The following DICER1 variants were observed in gnomAD, a reference collection of about 807,000 sequenced individuals.
The protein encoded by DICER1 is dicer 1, ribonuclease III.
Under a neutral mutation model 194.1 loss-of-function variants are expected in DICER1, and 43 were observed. The ratio of observed to expected loss-of-function variants is 0.22; its 90% CI spans 0.17 to 0.29. DICER1 has a LOEUF of 0.29. Among genes scored for constraint, DICER1 ranks in the 10% least tolerant of loss-of-function variants. DICER1 has a pLI of 1.00. For synonymous variants in DICER1, 832 were observed against 820.5 expected (o/e 1.01, Z -0.24); for missense variants, 1,608 against 2,317.0 (o/e 0.69, Z 6.28).
intron 6 of DICER1, 64 bp from the exon 7 acceptor site, chr14:95,126,812 T>C: frequency 9.1e-7 from 1 of 1,102,114 alleles, no homozygotes; most frequent in African/African-American, 1.7e-5. Context: ...AAAAAAAGTT[T>C]TTCAAAAAGC....
intron 8 of DICER1, among the ~76,000 whole-genome samples, chr14:95,120,383 T>C (rs898611437): frequency 1.3e-5 from 2 of 152,230 alleles, no homozygotes; most frequent in African/African-American, 4.8e-5. Context: ...ACAAAGTCTC[T>C]TACCAACAAG....
rs769292863 is a variant in DICER1, at chr14:95,088,532, CTTTGT to C, written c.*1961_*1965del. On this transcript the variant is annotated 3_prime_UTR_variant, in exon 27 of 27. Coordinates refer to ENST00000343455, the MANE Select transcript of DICER1 (RefSeq NM_177438.3). ...TTACAGTTATATAATTCAAGAATTG[CTTTGT>C]TTTAACTGGTCATATCTTACATTAA... 1.7e-4 allele frequency: 39 copies of C among 232,034 alleles called. No homozygotes were observed. The highest frequency in any genetic ancestry group is 1.3e-3 in the Middle Eastern group (1 of 800). 14.4% of individuals were successfully genotyped at this position (232,034 alleles called of 1,614,324 possible).
In DICER1 at chr14:95,132,609, T is replaced by C. The variant is rs2140288478; in HGVS notation, c.213A>G (p.Thr71=). The C allele has an allele frequency of 6.2e-7, 1 of 1,613,932 alleles. No homozygotes were observed. The highest frequency in any genetic ancestry group is 8.5e-7 in the Non-Finnish European group (1 of 1,179,846). Residue 71 remains threonine, a synonymous_variant, in exon 3 of 27, where the codon ACA becomes ACG. Transcript: ENST00000343455. ...CTTTAGTGAGTAGTACTGCAATAAATGTCTTCCCTGAGCCAGTGTTTAAAC... is the reference window on the plus strand; with the variant it reads ...CTTTAGTGAGTAGTACTGCAATAAACGTCTTCCCTGAGCCAGTGTTTAAAC... The part of the protein sequence containing the change: ...IVCLNTGSGK[T]FIAVLLTKEL...
chr14:95,105,882 G>T lies in DICER1; in HGVS notation c.2988-99C>A, dbSNP rs1891375099. On this transcript the variant is annotated intron_variant, in intron 18 of 26. Transcript: ENST00000343455. This position sits in a 1 kb window ranked among gnomAD's most constrained non-coding sequence, Gnocchi z 4.9. ...ACCTGAAGAGCTCATTTCAACTACA[G>T]CCTCTTGGGCTACCCCTTGGGCAAG... The T allele has an allele frequency of 2.9e-6, 4 of 1,368,988 alleles. No homozygotes were observed. The highest frequency in any genetic ancestry group is 1.2e-5 in the South Asian group (1 of 85,466). The allele number at this position is 1,368,988 out of a possible 1,614,324, so 84.8% of individuals were successfully genotyped here.
intron 8 of DICER1, 117 bp from the exon 9 acceptor site, chr14:95,117,871 AC>A: frequency 1.1e-6 from 1 of 933,008 alleles, no homozygotes; most frequent in Non-Finnish European, 1.7e-6. Flanking sequence ...ACCTAACAAA[AC>A]GGTCTTGGTC....
At chr14:95,125,639 G>A (rs1453832685) in intron 7 of DICER1, among the ~76,000 whole-genome samples, 1 of 35,882 alleles carries the variant, frequency 2.8e-5, no homozygotes, top group Non-Finnish European at 5.6e-5. Flanking sequence ...GGGGAGGAGG[G>A]GGAGGAGGAG....
intron 23 of DICER1, chr14:95,095,399 C>G (rs141112834): frequency 4.6e-4 from 95 of 208,584 alleles, no homozygotes; most frequent in African/African-American, 2.1e-3. Context: ...TTAAAAAGAC[C>G]CTAAAGGAGG....
At position 95,129,459 on chromosome 14, in the gene DICER1, C is replaced by G; in HGVS notation, c.734+13G>C. 1 of 1,612,866 alleles carries G rather than the reference C, an allele frequency of 6.2e-7. No individual in the cohort carries two copies. Among genetic ancestry groups the G allele is most frequent in the Admixed American group, 1.7e-5 (1 of 60,028 alleles). On this transcript the variant is annotated intron_variant, in intron 6 of 26. Coordinates refer to ENST00000343455, the MANE Select transcript of DICER1 (RefSeq NM_177438.3). Reference sequence around the variant, plus strand: ...CTAATCTCATTAAAGCTGAGTCAATCAGAAGTGCATACCTGTCTAAGACCA... The same window carrying G: ...CTAATCTCATTAAAGCTGAGTCAATGAGAAGTGCATACCTGTCTAAGACCA...
chr14:95,141,623 A>G (rs1894834526), intron 1 of DICER1: 1 of 152,196 alleles, frequency 6.6e-6, no homozygotes, highest in South Asian at 2.1e-4. Context: ...TTGTTTTGCT[A>G]AGAAGTCAAC....
intron 4 of DICER1, among the ~76,000 whole-genome samples, chr14:95,130,670 G>A (rs147563150): frequency 6.6e-5 from 10 of 152,310 alleles, no homozygotes; most frequent in African/African-American, 2.4e-4. Flanking sequence ...CTAGTAGGCT[G>A]GGCTGTTTCA....
At chr14:95,112,269 C>T (rs373583045) in intron 12 of DICER1, 22 bp from the exon 13 acceptor site, 6 of 1,602,058 alleles carry the variant, frequency 3.7e-6, no homozygotes, top group Admixed American at 1.7e-5. Context: ...AAAAACCTTT[C>T]CATTATATAT....
At chr14:95,107,035 T>C (rs1002649990) in intron 17 of DICER1, among the ~76,000 whole-genome samples, 2 of 152,120 alleles carry the variant, frequency 1.3e-5, no homozygotes, top group Non-Finnish European at 2.9e-5. Flanking sequence ...TAAGAGTTTC[T>C]TTCTTTTCCC....
rs1270932490 is a variant in DICER1 at position 95,089,698 on chromosome 14, T to C, written c.*800A>G. On this transcript the variant is annotated 3_prime_UTR_variant, in exon 27 of 27. Coordinates refer to ENST00000343455, the MANE Select transcript of DICER1 (RefSeq NM_177438.3). ...CAGAAATTTTAGTATGATCCTGTAA[T>C]AAGTTACAACTATACTAGTGAGTTG... is the stretch of plus-strand genomic sequence containing the variant. 3 of 231,668 alleles carry C rather than the reference T, an allele frequency of 1.3e-5. No homozygotes were observed. Among genetic ancestry groups the C allele is most frequent in the Admixed American group, 5.6e-5 (1 of 17,750 alleles). 14.4% of individuals were successfully genotyped at this position (231,668 alleles called of 1,614,324 possible). A position where few individuals can be genotyped will look rare whatever the true frequency, so the allele number is the denominator to read the frequency against.
intron 6 of DICER1, 54 bp from the exon 7 acceptor site, chr14:95,126,802 A>C: frequency 8.1e-7 from 1 of 1,228,268 alleles, no homozygotes; most frequent in Admixed American, 2.2e-5. Flanking sequence ...AATGCAATTT[A>C]AAAAAAGTTT....
chr14:95,126,833 AAAAG>A, intron 6 of DICER1, 85 bp from the exon 7 acceptor site: 2 of 789,582 alleles, frequency 2.5e-6, no homozygotes, highest in South Asian at 1.6e-5. Context: ...AAAAAAAAAA[AAAAG>A]GGAATAGATA....
chr14:95,094,104 T>C lies in DICER1; in HGVS notation c.5148A>G (p.Ile1716Met). Residue 1716 changes from isoleucine to methionine, a missense_variant, in exon 24 of 27, where the codon ATA becomes ATG. Around this residue, in one of 10 missense-constraint regions of DICER1, gnomAD observed 138 missense variants for 298.3 expected, o/e 0.46. Coordinates refer to ENST00000343455, the MANE Select transcript of DICER1 (RefSeq NM_177438.3). ...FLGDAILDYL[I>M]TKHLYEDPRQ... ...GCGGGTCTTCATAAAGGTGCTTGGT[T>C]ATGAGGTAGTCCAAAATCGCATCTC... The C allele has an allele frequency of 6.2e-7, 1 of 1,614,102 alleles. No homozygotes were observed. Among genetic ancestry groups the C allele is most frequent in the Non-Finnish European group, 8.5e-7 (1 of 1,180,030 alleles).
At chr14:95,111,536 T>C (rs774159232) in intron 13 of DICER1, 80 bp from the exon 14 acceptor site, 14 of 1,459,002 alleles carry the variant, frequency 9.6e-6, no homozygotes, top group Admixed American at 1.7e-5. Flanking sequence ...AGAACTATGT[T>C]AGAAGGACCT....
intron 21 of DICER1, among the ~76,000 whole-genome samples, chr14:95,101,492 G>A (rs73329768): frequency 0.033 from 5,059 of 152,108 alleles, 306 homozygotes; most frequent in African/African-American, 0.12. Context: ...TCCGTATGGC[G>A]ACTACTCTAC....
At chr14:95,142,189 C>T (rs1018538043) in intron 1 of DICER1, among the ~76,000 whole-genome samples, 3 of 151,984 alleles carry the variant, frequency 2.0e-5, no homozygotes, top group Admixed American at 2.0e-4. Context: ...AACTCCTGGG[C>T]TCAAGTGATC....
Sources: allele counts gnomAD v4.1 joint callset (sites outside exome capture counted in the v4.1 genomes callset), GRCh38; gene constraint gnomAD v4.1.1; regional missense constraint gnomAD v4.1.1; non-coding constraint Gnocchi (gnomAD v3.1); transcripts MANE v1.5; gene names NCBI Gene and HGNC (gene_info 2026-07-23, HGNC 2026-07-21).